Variants in LRCH3 observed in about 807,000 individuals in gnomAD.
LRCH3 encodes leucine rich repeats and calponin homology domain containing 3.
Under a neutral mutation model 104.5 loss-of-function variants are expected in LRCH3, and 68 were observed. That is an observed-to-expected ratio of 0.65 (90% CI 0.54 to 0.80). The LOEUF (loss-of-function observed/expected upper bound fraction) is 0.80, where lower values mean the gene tolerates loss of function less well. Among genes scored for constraint, LRCH3 ranks in the 30% least tolerant of loss-of-function variants. The pLI, the probability that LRCH3 is intolerant of heterozygous loss-of-function variation, is 0.00. For synonymous variants in LRCH3, 344 were observed against 361.3 expected, an observed-to-expected ratio of 0.95 and a Z score of 0.54; for missense variants, 951 against 953.9, an observed-to-expected ratio of 1.00 and a Z score of 0.04.
chr3:197,825,464 A>ATTTTTTTTTTTTTTTTTTTTTTTTT lies in LRCH3; in HGVS notation c.641-1405_641-1381dup, dbSNP rs58237989. Among the ~76,000 whole-genome samples the ATTTTTTTTTTTTTTTTTTTTTTTTT allele has an allele frequency of 1.0e-4, 2 of 20,034 alleles. 1 individual carries two copies. The highest frequency in any genetic ancestry group is 1.9e-4 in the Non-Finnish European group (2 of 10,746). The allele number at this position is 20,034 out of a possible 152,430, so 13.1% of individuals were successfully genotyped here. A position where few individuals can be genotyped will look rare whatever the true frequency, so the allele number is the denominator to read the frequency against. ...TAGACCTCTTTGTTGATCCTCTTTG[A>ATTTTTTTTTTTTTTTTTTTTTTTTT]TTTTTTTTTTTTTTTTTTTTTTTTT... On this transcript the variant is annotated intron_variant, in intron 4 of 20. Transcript: ENST00000425562.
intron 1 of LRCH3, among the ~76,000 whole-genome samples, chr3:197,799,038 A>C (rs1475627079): frequency 6.6e-6 from 1 of 152,198 alleles, no homozygotes; most frequent in Non-Finnish European, 1.5e-5. Context: ...TTAGAAGGGA[A>C]GGGGAGGTAG....
intron 15 of LRCH3, among the ~76,000 whole-genome samples, chr3:197,859,930 CCATT>C (rs1740686207): frequency 6.6e-6 from 1 of 152,172 alleles, no homozygotes. Flanking sequence ...TCTGTGCCCT[CCATT>C]CTGGCTTCAT....
intron 18 of LRCH3, 110 bp downstream of exon 18, chr3:197,870,388 C>T (rs1033484227): frequency 5.2e-5 from 55 of 1,051,146 alleles, no homozygotes; most frequent in South Asian, 2.2e-4. Context: ...TTTTTTTAGA[C>T]GGAGTCTCAC....
At position 197,883,848 on chromosome 3, in the gene LRCH3, A is replaced by G. The variant is rs1560068909; in HGVS notation, c.*182A>G. 7 of 604,398 alleles carry G rather than the reference A, an allele frequency of 1.2e-5. No homozygotes were observed. The highest frequency in any genetic ancestry group is 1.8e-5 in the Non-Finnish European group (7 of 396,468). The allele number at this position is 604,398 out of a possible 1,614,324, so 37.4% of individuals were successfully genotyped here. ...TTTAGGGGAGGTTATTTCCATTTCC[A>G]TTGAATTTTTTTACGAAGACACCAT... On this transcript the variant is annotated 3_prime_UTR_variant, in exon 21 of 21. Transcript: ENST00000425562. The surrounding 1 kb of genome is among the most constrained non-coding windows in gnomAD (Gnocchi z 4.2).
intron 20 of LRCH3, among the ~76,000 whole-genome samples, chr3:197,879,546 T>C (rs929132020): frequency 2.0e-5 from 3 of 151,582 alleles, no homozygotes; most frequent in South Asian, 2.1e-4. Flanking sequence ...CTCGGGAGGC[T>C]GAGGCGGGAG....
intron 3 of LRCH3, among the ~76,000 whole-genome samples, chr3:197,817,760 A>G (rs1048024615): frequency 7.9e-5 from 12 of 152,086 alleles, no homozygotes; most frequent in Non-Finnish European, 1.6e-4. Context: ...GCCTTACATT[A>G]TATCTTTAGA....
At chr3:197,804,790 A>T (rs1173479996) in intron 1 of LRCH3, among the ~76,000 whole-genome samples, 1 of 152,232 alleles carries the variant, frequency 6.6e-6, no homozygotes, top group Non-Finnish European at 1.5e-5. Context: ...TAATACTTGC[A>T]GTTAGTAAAC....
intron 15 of LRCH3, chr3:197,859,548 T>G (rs894317997): frequency 6.6e-6 from 1 of 152,266 alleles, no homozygotes; most frequent in African/African-American, 2.4e-5. Flanking sequence ...TGGAAAAATT[T>G]AATCTAAACT....
chr3:197,830,629 T>C, intron 6 of LRCH3, 141 bp from the exon 7 acceptor site: 1 of 615,456 alleles, frequency 1.6e-6, no homozygotes, highest in Non-Finnish European at 2.9e-6. Flanking sequence ...GAATTTTTCA[T>C]ATTAAAAAAT....
chr3:197,830,159 C>A (rs546283178), intron 6 of LRCH3, among the ~76,000 whole-genome samples: 1 of 152,342 alleles, frequency 6.6e-6, no homozygotes, highest in Admixed American at 6.5e-5. Context: ...TGACCATTAA[C>A]ATCACTTCAG....
At chr3:197,793,838 CAT>C (rs1173971437) in intron 1 of LRCH3, among the ~76,000 whole-genome samples, 1 of 152,132 alleles carries the variant, frequency 6.6e-6, no homozygotes, top group Non-Finnish European at 1.5e-5. Flanking sequence ...TCATTTCTAA[CAT>C]GTAGTAATAT....
At chr3:197,830,962 C>G in intron 7 of LRCH3, 99 bp downstream of exon 7, 1 of 1,042,146 alleles carries the variant, frequency 9.6e-7, no homozygotes, top group South Asian at 1.4e-5. Flanking sequence ...TTTCTCACTA[C>G]ATAAAATACA....
At chr3:197,869,851 G>C (rs1187924676) in intron 17 of LRCH3, among the ~76,000 whole-genome samples, 1 of 141,074 alleles carries the variant, frequency 7.1e-6, no homozygotes, top group African/African-American at 2.8e-5. Context: ...GGTAGAAAGC[G>C]ATACACTGTA....
chr3:197,875,598 G>A (rs1440053453), intron 19 of LRCH3, 100 bp from the exon 20 acceptor site: 13 of 806,802 alleles, frequency 1.6e-5, no homozygotes, highest in Admixed American at 4.7e-5. Flanking sequence ...ATGATACAGC[G>A]AGCCAGGCTT....
chr3:197,832,072 T>G, intron 7 of LRCH3, 125 bp from the exon 8 acceptor site: 2 of 885,854 alleles, frequency 2.3e-6, no homozygotes, highest in Non-Finnish European at 3.3e-6. Flanking sequence ...TGTGAGCACA[T>G]CTAGCTAATT....
At chr3:197,844,094 G>T (rs760489150) in intron 10 of LRCH3, among the ~76,000 whole-genome samples, 1 of 152,192 alleles carries the variant, frequency 6.6e-6, no homozygotes, top group Non-Finnish European at 1.5e-5. Flanking sequence ...ATGTCTAGGG[G>T]TGAAACGTTC....
chr3:197,823,820 A>G (rs188640324), intron 4 of LRCH3, among the ~76,000 whole-genome samples: 159 of 152,186 alleles, frequency 1.0e-3, no homozygotes, highest in African/African-American at 3.4e-3. Flanking sequence ...TTTTATAGCT[A>G]TTGCTGGTTT....
chr3:197,793,735 C>T (rs1032479274), intron 1 of LRCH3, among the ~76,000 whole-genome samples: 3 of 152,006 alleles, frequency 2.0e-5, no homozygotes, highest in Non-Finnish European at 4.4e-5. Flanking sequence ...GTATAGAAAC[C>T]ACATTTTTTG....
rs58237989 is a variant in LRCH3 at position 197,825,464 on chromosome 3, A to ATTTT, written c.641-1384_641-1381dup. On this transcript the variant is annotated intron_variant, in intron 4 of 20. Transcript: ENST00000425562. ...TAGACCTCTTTGTTGATCCTCTTTGATTTTTTTTTTTTTTTTTTTTTTTTT... is the reference window on the plus strand; with the variant it reads ...TAGACCTCTTTGTTGATCCTCTTTGATTTTTTTTTTTTTTTTTTTTTTTTTTTTT... 4.0e-3 allele frequency among the ~76,000 whole-genome samples: 81 copies of ATTTT among 20,062 alleles called. 29 individuals are homozygous for ATTTT. Among genetic ancestry groups the ATTTT allele is most frequent in the African/African-American group, 4.6e-3 (25 of 5,426 alleles). 13.2% of individuals were successfully genotyped at this position (20,062 alleles called of 152,430 possible).
Sources: allele counts gnomAD v4.1 joint callset (sites outside exome capture counted in the v4.1 genomes callset), GRCh38; gene constraint gnomAD v4.1.1; non-coding constraint Gnocchi (gnomAD v3.1); transcripts MANE v1.5; gene names NCBI Gene and HGNC (gene_info 2026-07-23, HGNC 2026-07-21).